The following AVEN variants were observed in gnomAD, a reference collection of about 807,000 sequenced individuals.
AVEN encodes cell death regulator Aven.
Under a neutral mutation model 38.1 loss-of-function variants are expected in AVEN, and 41 were observed. The ratio of observed to expected loss-of-function variants is 1.08; its 90% CI spans 0.84 to 1.40. AVEN has a LOEUF of 1.40. Among genes scored for constraint, AVEN ranks in the 40% most tolerant of loss-of-function variants. The probability of loss-of-function intolerance (pLI) is 0.00; values close to 1 mark genes in which losing one functional copy is unlikely to be tolerated. For missense variants in AVEN, 605 were observed against 438.8 expected (o/e 1.38, Z -3.38); for synonymous variants, 206 against 171.8 (o/e 1.20, Z -1.56).
At chr15:34,051,507 G>A (rs943400368) in intron 5 of AVEN, among the ~76,000 whole-genome samples, 1 of 152,148 alleles carries the variant, frequency 6.6e-6, no homozygotes, top group African/African-American at 2.4e-5. Context: ...TGAACTGAAG[G>A]AGATAGAGAC....
At chr15:34,034,449 A>ATT (rs1309193683) in intron 1 of AVEN, among the ~76,000 whole-genome samples, 2 of 150,834 alleles carry the variant, frequency 1.3e-5, no homozygotes, top group African/African-American at 4.9e-5. Context: ...TCTTTTTTAA[A>ATT]AAAAAAAAAA....
intron 1 of AVEN, among the ~76,000 whole-genome samples, chr15:34,003,619 A>G (rs1597337163): frequency 6.6e-6 from 1 of 152,228 alleles, no homozygotes; most frequent in East Asian, 1.9e-4. Context: ...CATGTTTAAA[A>G]GCTTTATTTA....
downstream of AVEN, chr15:33,864,317 C>G (rs1889649480): frequency 4.3e-6 from 3 of 694,768 alleles, no homozygotes; most frequent in South Asian, 4.1e-5. Flanking sequence ...TTCCCATCAC[C>G]TTTTTGTGAC....
chr15:33,880,815 A>G (rs1319426802), intron 2 of AVEN, among the ~76,000 whole-genome samples: 3 of 152,184 alleles, frequency 2.0e-5, no homozygotes, highest in Non-Finnish European at 4.4e-5. Context: ...GACATGAGAC[A>G]TGGATTTTAT....
rs1900254823 is a variant in AVEN, at chr15:34,059,145, C to A, written n.1637+3777G>T. On this transcript the variant is annotated intron_variant and non_coding_transcript_variant, in intron 5 of 11. Transcript: ENST00000675287. The stretch of plus-strand genomic sequence containing the variant: ...TTCCTGACCTCAGGCTATCCACCCG[C>A]CTCGGCCTCCCAAAGTGCTGGGATT... Among the ~76,000 whole-genome samples the A allele has an allele frequency of 2.0e-5, 3 of 152,136 alleles. No homozygotes were observed. The South Asian group carries it at 6.2e-4, about 32-fold the overall frequency.
intron 2 of AVEN, among the ~76,000 whole-genome samples, chr15:33,937,948 A>G (rs905213620): frequency 6.7e-6 from 1 of 148,864 alleles, no homozygotes; most frequent in African/African-American, 2.5e-5. Context: ...AAAAAAAAAA[A>G]AAAAAAAAAA....
intron 1 of AVEN, among the ~76,000 whole-genome samples, chr15:34,014,083 C>G (rs936240612): frequency 6.6e-6 from 1 of 152,138 alleles, no homozygotes; most frequent in East Asian, 1.9e-4. Flanking sequence ...ACACATTTAG[C>G]TGGGCACAGT....
intron 2 of AVEN, among the ~76,000 whole-genome samples, chr15:33,939,530 G>C (rs1405585997): frequency 2.0e-5 from 3 of 152,324 alleles, no homozygotes; most frequent in Admixed American, 2.0e-4. Context: ...CCACAATAGA[G>C]GGTTGCAAAG....
intron 1 of AVEN, among the ~76,000 whole-genome samples, chr15:34,027,660 ACCTC>A (rs1898551137): frequency 6.6e-6 from 1 of 151,972 alleles, no homozygotes. Context: ...ACACCATTTG[ACCTC>A]CCTGACAGCT....
At chr15:33,965,384 C>T (rs1232731719) in intron 2 of AVEN, among the ~76,000 whole-genome samples, 2 of 151,996 alleles carry the variant, frequency 1.3e-5, no homozygotes, top group Admixed American at 1.3e-4. Flanking sequence ...AAAAGGAAGC[C>T]GTTGCCATGG....
chr15:34,023,187 A>C (rs1204994506), intron 1 of AVEN, among the ~76,000 whole-genome samples: 1 of 152,124 alleles, frequency 6.6e-6, no homozygotes, highest in Admixed American at 6.5e-5. Flanking sequence ...CTCAGAAAAA[A>C]AAAAAGGAAA....
At chr15:34,006,686 G>A (rs1405937399) in intron 1 of AVEN, among the ~76,000 whole-genome samples, 2 of 152,152 alleles carry the variant, frequency 1.3e-5, no homozygotes, top group Non-Finnish European at 2.9e-5. Flanking sequence ...TAACTCACCA[G>A]TCCCCAAATT....
chr15:34,007,674 G>A (rs939090828), intron 1 of AVEN, among the ~76,000 whole-genome samples: 1 of 152,146 alleles, frequency 6.6e-6, no homozygotes, highest in Non-Finnish European at 1.5e-5. Context: ...TCCTGGTACC[G>A]TATTACTTTC....
downstream of AVEN, chr15:33,865,295 G>C: frequency 1.9e-6 from 2 of 1,046,876 alleles, no homozygotes; most frequent in Non-Finnish European, 2.9e-6. Context: ...CCTTTTTACA[G>C]TTCTGCAACA....
intron 2 of AVEN, among the ~76,000 whole-genome samples, chr15:33,940,488 C>T (rs1417219317): frequency 6.6e-6 from 1 of 152,138 alleles, no homozygotes. Flanking sequence ...ACCTATAAAA[C>T]TGGGAAGCAG....
At chr15:33,853,475 A>G in the AVEN span, 2 of 1,520,936 alleles carry the variant, frequency 1.3e-6, no homozygotes, top group East Asian at 2.3e-5. Flanking sequence ...ATAGGGCAGC[A>G]AAGCTCTGAA....
chr15:34,045,592 CATG>C (rs1686180532), intron 5 of AVEN, among the ~76,000 whole-genome samples: 1 of 152,056 alleles, frequency 6.6e-6, no homozygotes, highest in Non-Finnish European at 1.5e-5. Flanking sequence ...AGCTGGTTAT[CATG>C]ATGTCCCAAT....
intron 1 of AVEN, among the ~76,000 whole-genome samples, chr15:34,017,805 TA>T (rs1898007197): frequency 6.6e-6 from 1 of 152,104 alleles, no homozygotes; most frequent in Non-Finnish European, 1.5e-5. Flanking sequence ...CTAAAATTAT[TA>T]AAAACTCCAT....
At chr15:33,986,784 GTAGCTGGGAC>G (rs928912715) in intron 2 of AVEN, among the ~76,000 whole-genome samples, 10 of 151,530 alleles carry the variant, frequency 6.6e-5, no homozygotes, top group African/African-American at 2.4e-4. Context: ...AGCCGCCCGA[GTAGCTGGGAC>G]TACAGGCACG....
Sources: gnomAD v4.1 joint callset for allele counts (sites outside exome capture counted in the v4.1 genomes callset) on GRCh38, gnomAD v4.1.1 for gene constraint, MANE v1.5 for transcripts, NCBI Gene and HGNC (gene_info 2026-07-23, HGNC 2026-07-21) for gene names.